The following MIS18A variants were observed in gnomAD, a reference collection of about 807,000 sequenced individuals.
The protein encoded by MIS18A is MIS18 kinetochore protein A, also known as protein Mis18-alpha.
Under a neutral mutation model 25.0 loss-of-function variants are expected in MIS18A, and 14 were observed. The observed-to-expected ratio is 0.56, with a 90% CI of 0.37 to 0.88. The LOEUF is 0.88. MIS18A is among the 40% of genes least tolerant of loss of function. MIS18A has a pLI of 0.00. For synonymous variants in MIS18A, 134 were observed against 118.6 expected (o/e 1.13, Z -0.84); for missense variants, 292 against 290.8 (o/e 1.00, Z -0.03).
the MIS18A span, among the ~76,000 whole-genome samples, chr21:32,235,207 A>C: frequency 2.3e-4 from 35 of 152,196 alleles, no homozygotes; most frequent in African/African-American, 8.4e-4. Context: ...AGCTGCCCCC[A>C]CCTCCACAGA....
chr21:32,230,526 A>T, the MIS18A span, among the ~76,000 whole-genome samples: 1 of 152,230 alleles, frequency 6.6e-6, no homozygotes, highest in Non-Finnish European at 1.5e-5. Flanking sequence ...AATAAGGGGT[A>T]GTTACTGAAC....
chr21:32,261,494 T>A, the MIS18A span: 1 of 152,092 alleles, frequency 6.6e-6, no homozygotes, highest in African/African-American at 2.4e-5. Flanking sequence ...AAAGAATCAA[T>A]AGAGTGGTTA....
At chr21:32,276,761 C>T (rs762506257) in intron 1 of MIS18A, among the ~76,000 whole-genome samples, 2 of 152,038 alleles carry the variant, frequency 1.3e-5, no homozygotes, top group Non-Finnish European at 2.9e-5. Flanking sequence ...AAGACTCTGT[C>T]TCTACAAAAA....
the MIS18A span, among the ~76,000 whole-genome samples, chr21:32,183,652 C>T: frequency 6.6e-6 from 1 of 152,144 alleles, no homozygotes; most frequent in African/African-American, 2.4e-5. Context: ...GAAGGAGTCT[C>T]AGAAGGAAAC....
chr21:32,249,758 T>G, the MIS18A span, among the ~76,000 whole-genome samples: 1 of 151,952 alleles, frequency 6.6e-6, no homozygotes, highest in Non-Finnish European at 1.5e-5. Context: ...AGCTCTCCAG[T>G]GAACTAATAG....
At chr21:32,272,965 G>T (rs1362758618) in intron 2 of MIS18A, among the ~76,000 whole-genome samples, 2 of 152,124 alleles carry the variant, frequency 1.3e-5, no homozygotes, top group African/African-American at 2.4e-5. Flanking sequence ...TAGCCTCCCT[G>T]GGCCTAACTT....
the MIS18A span, among the ~76,000 whole-genome samples, chr21:32,227,415 A>T: frequency 6.6e-6 from 1 of 152,134 alleles, no homozygotes; most frequent in Admixed American, 6.5e-5. Flanking sequence ...TAGGATTATA[A>T]CAAAAAACAA....
the MIS18A span, among the ~76,000 whole-genome samples, chr21:32,228,306 C>T: frequency 1.3e-5 from 2 of 152,152 alleles, no homozygotes; most frequent in Admixed American, 1.3e-4. Context: ...TCAGGCTAGT[C>T]TTGAACTCTT....
At chr21:32,264,566 A>C (rs759513937), downstream of MIS18A, among the ~76,000 whole-genome samples, 11 of 152,184 alleles carry the variant, frequency 7.2e-5, no homozygotes, top group Non-Finnish European at 1.6e-4. Context: ...TTCATTATAC[A>C]GATGCAAAAA....
the MIS18A span, among the ~76,000 whole-genome samples, chr21:32,181,037 CAGG>C: frequency 6.6e-6 from 1 of 152,036 alleles, no homozygotes; most frequent in African/African-American, 2.4e-5. Flanking sequence ...AGGTTGTTTC[CAGG>C]AGATGGTAAC....
At chr21:32,161,020 T>C in the MIS18A span, among the ~76,000 whole-genome samples, 9 of 152,200 alleles carry the variant, frequency 5.9e-5, no homozygotes, top group Non-Finnish European at 1.0e-4. Flanking sequence ...TAATTTTAAA[T>C]AGAAGAGGAG....
the MIS18A span, among the ~76,000 whole-genome samples, chr21:32,176,509 CA>C: frequency 6.6e-6 from 1 of 152,070 alleles, no homozygotes; most frequent in Non-Finnish European, 1.5e-5. Context: ...TAAAAAATTC[CA>C]TTTTAAATGA....
the MIS18A span, among the ~76,000 whole-genome samples, chr21:32,181,921 C>T: frequency 6.6e-6 from 1 of 152,158 alleles, no homozygotes; most frequent in Non-Finnish European, 1.5e-5. Flanking sequence ...TGACCACTTA[C>T]CCTCTCCCTG....
At chr21:32,175,467 A>AT in the MIS18A span, among the ~76,000 whole-genome samples, 116 of 150,164 alleles carry the variant, frequency 7.7e-4, no homozygotes, top group East Asian at 0.014. Context: ...AAACTTTTTA[A>AT]TTTTTTTTTT....
chr21:32,183,721 C>T, the MIS18A span, among the ~76,000 whole-genome samples: 1 of 152,180 alleles, frequency 6.6e-6, no homozygotes, highest in Admixed American at 6.5e-5. Flanking sequence ...GCAGATCCAT[C>T]ACAATGACAC....
the MIS18A span, among the ~76,000 whole-genome samples, chr21:32,180,447 C>A: frequency 5.9e-5 from 9 of 152,312 alleles, no homozygotes; most frequent in African/African-American, 2.2e-4. Context: ...CCTTCCCCAC[C>A]AAACCTCCAC....
the MIS18A span, among the ~76,000 whole-genome samples, chr21:32,185,539 G>C: frequency 6.6e-6 from 1 of 152,258 alleles, no homozygotes; most frequent in East Asian, 1.9e-4. Context: ...AGTAATAAAA[G>C]TGATCATGGT....
the MIS18A span, among the ~76,000 whole-genome samples, chr21:32,239,231 G>A: frequency 3.3e-5 from 5 of 152,072 alleles, no homozygotes; most frequent in Non-Finnish European, 4.4e-5. Flanking sequence ...CTTGCTTTCC[G>A]TCCGACCTTG....
the MIS18A span, among the ~76,000 whole-genome samples, chr21:32,168,011 CTT>C: frequency 6.6e-6 from 1 of 152,076 alleles, no homozygotes; most frequent in Non-Finnish European, 1.5e-5. Flanking sequence ...GAGGTGGGGT[CTT>C]TGGGAGGTAA....
Sources: gnomAD v4.1 joint callset for allele counts (sites outside exome capture counted in the v4.1 genomes callset) on GRCh38, gnomAD v4.1.1 for gene constraint, MANE v1.5 for transcripts, NCBI Gene and HGNC (gene_info 2026-07-23, HGNC 2026-07-21) for gene names.